YTHDC1: variants seen among roughly 807,000 people sequenced by gnomAD.
The protein encoded by YTHDC1 is YTH N6-methyladenosine RNA binding protein C1, also known as YTH domain-containing protein 1.
YTHDC1 carries 12 observed loss-of-function variants against 107.0 expected under a neutral mutation model. The observed-to-expected ratio is 0.11, with a 90% CI of 0.07 to 0.18. YTHDC1 has a LOEUF of 0.18. YTHDC1 is among the 10% of genes least tolerant of loss of function. YTHDC1 has a pLI of 1.00. For synonymous variants in YTHDC1, 280 were observed against 289.5 expected (o/e 0.97, Z 0.33); for missense variants, 635 against 898.8 (o/e 0.71, Z 3.75).
chr4:68,328,585 G>C (rs1251258125), intron 9 of YTHDC1, among the ~76,000 whole-genome samples: 1 of 152,116 alleles, frequency 6.6e-6, no homozygotes, highest in African/African-American at 2.4e-5. Flanking sequence ...ATATATTTAA[G>C]AGACAAACTA....
intron 4 of YTHDC1, among the ~76,000 whole-genome samples, chr4:68,334,761 T>A (rs1435040307): frequency 6.6e-6 from 1 of 152,094 alleles, no homozygotes; most frequent in East Asian, 1.9e-4. Flanking sequence ...CAGTTGCTCG[T>A]GCCTGTAATC....
chr4:68,318,485 G>A (rs1722105674), intron 15 of YTHDC1, 34 bp downstream of exon 15: 2 of 1,555,884 alleles, frequency 1.3e-6, no homozygotes, highest in Non-Finnish European at 1.7e-6. Flanking sequence ...TGCAAATTAA[G>A]TTATGTAACT....
intron 10 of YTHDC1, among the ~76,000 whole-genome samples, chr4:68,323,936 C>A (rs997878941): frequency 6.6e-6 from 1 of 152,140 alleles, no homozygotes; most frequent in Admixed American, 6.5e-5. Flanking sequence ...AATGAAAGTA[C>A]CATATAAAGC....
chr4:68,333,915 T>C (rs888468196), intron 4 of YTHDC1, among the ~76,000 whole-genome samples: 5 of 152,144 alleles, frequency 3.3e-5, no homozygotes, highest in Admixed American at 6.6e-5. Context: ...CTGGTTGCCA[T>C]TGCTTGTTTT....
chr4:68,324,239 T>C lies in YTHDC1; in HGVS notation c.1350-16A>G. 1 of 1,599,914 alleles carries C rather than the reference T, an allele frequency of 6.3e-7. No individual in the cohort carries two copies. The highest frequency in any genetic ancestry group is 1.7e-5 in the Admixed American group (1 of 59,640). On this transcript the variant is annotated splice_polypyrimidine_tract_variant and intron_variant, in intron 9 of 16. Coordinates refer to ENST00000344157, the MANE Select transcript of YTHDC1 (RefSeq NM_001031732.4). ...TAATTCACGCCTAAATACAAAGTAA[T>C]ATCAATTACATTCTTCTGCAGAATC...
In YTHDC1 at chr4:68,350,064, T is replaced by A; in HGVS notation, c.-311A>T. 3.9e-6 allele frequency: 2 copies of A among 510,732 alleles called. No individual in the cohort carries two copies. Among genetic ancestry groups the A allele is most frequent in the South Asian group, 4.7e-5 (2 of 42,566 alleles). 31.6% of individuals were successfully genotyped at this position (510,732 alleles called of 1,614,324 possible). A position where few individuals can be genotyped will look rare whatever the true frequency, so the allele number is the denominator to read the frequency against. On this transcript the variant is annotated 5_prime_UTR_variant, in exon 1 of 17. Transcript: ENST00000344157. Reference sequence around the variant, plus strand: ...CGGCGCTAAAATGGAGCCTGCTTCCTGCGCGAAACAATCCCGCTCCCGAAA... The same window carrying A: ...CGGCGCTAAAATGGAGCCTGCTTCCAGCGCGAAACAATCCCGCTCCCGAAA...
At chr4:68,338,164 C>T (rs1008320508) in intron 2 of YTHDC1, 119 bp downstream of exon 2, 5 of 1,296,442 alleles carry the variant, frequency 3.9e-6, no homozygotes, top group African/African-American at 1.5e-5. Flanking sequence ...TTATTATGTA[C>T]ATTTAGTGTT....
intron 5 of YTHDC1, among the ~76,000 whole-genome samples, chr4:68,333,051 C>T (rs1443967743): frequency 6.6e-6 from 1 of 151,944 alleles, no homozygotes; most frequent in African/African-American, 2.4e-5. Flanking sequence ...TATATTTGAA[C>T]AGTTTCCCAC....
chr4:68,348,206 T>C (rs1725661647), intron 1 of YTHDC1, among the ~76,000 whole-genome samples: 1 of 152,224 alleles, frequency 6.6e-6, no homozygotes, highest in Non-Finnish European at 1.5e-5. Flanking sequence ...GTCTACTCTA[T>C]TAACGACTTG....
At chr4:68,336,834 C>T (rs1724220058) in intron 4 of YTHDC1, among the ~76,000 whole-genome samples, 193 bp downstream of exon 4, 1 of 152,102 alleles carries the variant, frequency 6.6e-6, no homozygotes, top group South Asian at 2.1e-4. Flanking sequence ...CTAGGAAATG[C>T]CTTTCCTAAA....
At position 68,337,704 on chromosome 4, in the gene YTHDC1, T is replaced by C. The variant is rs758665155; in HGVS notation, c.327A>G (p.Leu109=). Residue 109 remains leucine, a synonymous_variant, in exon 3 of 17, where the codon CTA becomes CTG. Transcript: ENST00000344157. ...ATAGACGAATTTTCCGATCAGCATC[T>C]AGACGCTTGTTTCTTTCAGATCTTT... ...EYQRSERNKR[L]DADRKIRLSS... 9.3e-6 allele frequency: 15 copies of C among 1,614,050 alleles called. No homozygotes were observed. Among genetic ancestry groups the C allele is most frequent in the Non-Finnish European group, 1.3e-5 (15 of 1,180,036 alleles).
intron 1 of YTHDC1, among the ~76,000 whole-genome samples, chr4:68,349,399 T>C (rs1725822018): frequency 1.3e-5 from 2 of 152,216 alleles, no homozygotes; most frequent in Admixed American, 1.3e-4. Context: ...TACATCCGCA[T>C]GATCCTACCA....
intron 6 of YTHDC1, 47 bp from the exon 7 acceptor site, chr4:68,332,244 C>T: frequency 3.0e-6 from 4 of 1,337,360 alleles, no homozygotes; most frequent in Non-Finnish European, 4.2e-6. Context: ...GCCATTATCA[C>T]ACAAAGGGGT....
intron 11 of YTHDC1, 61 bp from the exon 12 acceptor site, chr4:68,320,266 G>C: frequency 7.9e-7 from 1 of 1,267,626 alleles, no homozygotes; most frequent in Non-Finnish European, 1.1e-6. Flanking sequence ...AAAGAGTAAA[G>C]CAAGAGTTTC....
chr4:68,312,456 T>C lies in YTHDC1; in HGVS notation c.*1643A>G, dbSNP rs1029884463. On this transcript the variant is annotated 3_prime_UTR_variant, in exon 17 of 17. Coordinates refer to ENST00000344157, the MANE Select transcript of YTHDC1 (RefSeq NM_001031732.4). ...AAAATGCCAATGAAGTGACTTACCA[T>C]GTATCACTAACCGGTTTAATTAAAG... is the stretch of plus-strand genomic sequence containing the variant. 6.6e-6 allele frequency: 1 copy of C among 152,194 alleles called. No individual in the cohort carries two copies. Among genetic ancestry groups the C allele is most frequent in the Non-Finnish European group, 1.5e-5 (1 of 68,028 alleles). The allele number at this position is 152,194 out of a possible 1,614,324, so 9.4% of individuals were successfully genotyped here.
At chr4:68,320,492 G>C (rs964275943) in intron 11 of YTHDC1, among the ~76,000 whole-genome samples, 1 of 152,114 alleles carries the variant, frequency 6.6e-6, no homozygotes, top group African/African-American at 2.4e-5. Context: ...CATTTTAGTA[G>C]TCTAAACAAA....
chr4:68,312,206 T>G lies in YTHDC1; in HGVS notation c.*1893A>C, dbSNP rs1242601028. The stretch of plus-strand genomic sequence containing the variant: ...AAAACATGGGTAAAATCTTGGCCCA[T>G]CAATTACTACCTTTCTAATCTTGGG... On this transcript the variant is annotated 3_prime_UTR_variant, in exon 17 of 17. Transcript: ENST00000344157. The G allele has an allele frequency of 6.6e-6, 1 of 152,198 alleles. No homozygotes were observed. The allele number at this position is 152,198 out of a possible 1,614,324, so 9.4% of individuals were successfully genotyped here. A position where few individuals can be genotyped will look rare whatever the true frequency, so the allele number is the denominator to read the frequency against.
At position 68,310,966 on chromosome 4, in the gene YTHDC1, T is replaced by G. The variant is rs926187485; in HGVS notation, c.*3133A>C. 2.0e-5 allele frequency: 3 copies of G among 152,082 alleles called. No individual in the cohort carries two copies. Among genetic ancestry groups the G allele is most frequent in the Non-Finnish European group, 4.4e-5 (3 of 68,018 alleles). The allele number at this position is 152,082 out of a possible 1,614,324, so 9.4% of individuals were successfully genotyped here. ...TACTCTGAAAAGTCAAACATTCAGG[T>G]GTTATAACTTGTATGAGATCCTGAT... On this transcript the variant is annotated 3_prime_UTR_variant, in exon 17 of 17. Transcript: ENST00000344157.
At position 68,332,166 on chromosome 4, in the gene YTHDC1, T is replaced by C; in HGVS notation, c.1059A>G (p.Gln353=). ...DQTSKLKYVL[Q]DARFFLIKSN... The stretch of plus-strand genomic sequence containing the variant: ...TCTTTATGAGGAAAAATCTTGCATC[T>C]TGAAGCACATATTTGAGTTTACTGG... The change falls in exon 7 of 17, where the codon CAA becomes CAG. Residue 353 remains glutamine (Q), a synonymous_variant. Coordinates refer to ENST00000344157, the MANE Select transcript of YTHDC1 (RefSeq NM_001031732.4). The C allele has an allele frequency of 6.2e-7, 1 of 1,608,988 alleles. No individual in the cohort carries two copies. The highest frequency in any genetic ancestry group is 8.5e-7 in the Non-Finnish European group (1 of 1,177,620).
Sources: gnomAD v4.1 joint callset for allele counts (sites outside exome capture counted in the v4.1 genomes callset) on GRCh38, gnomAD v4.1.1 for gene constraint, MANE v1.5 for transcripts, NCBI Gene and HGNC (gene_info 2026-07-23, HGNC 2026-07-21) for gene names.